The following APOLD1 variants were observed in gnomAD, a reference collection of about 807,000 sequenced individuals.
APOLD1 encodes apolipoprotein L domain-containing protein 1.
A neutral mutation model predicts 15.3 loss-of-function variants in APOLD1; 22 were observed. The ratio of observed to expected loss-of-function variants is 1.44; its 90% CI spans 1.03 to 2.05. APOLD1 has a LOEUF of 2.05. Among genes scored for constraint, APOLD1 ranks in the 30% most tolerant of loss-of-function variants. The pLI, the probability that APOLD1 is intolerant of heterozygous loss-of-function variation, is 0.00. For missense variants in APOLD1, 394 were observed against 353.5 expected (o/e 1.11, Z -0.92); for synonymous variants, 190 against 167.4 (o/e 1.13, Z -1.04).
intron 1 of APOLD1, among the ~76,000 whole-genome samples, chr12:12,762,515 C>T (rs1256176920): frequency 6.6e-6 from 1 of 151,974 alleles, no homozygotes; most frequent in Non-Finnish European, 1.5e-5. Context: ...CCACCACACC[C>T]AGCTAATTTT....
rs1302364364 is a variant in APOLD1 at position 12,787,118 on chromosome 12, C to T, written c.213C>T (p.Ile71=). The T allele has an allele frequency of 1.4e-6, 2 of 1,444,040 alleles. No individual in the cohort carries two copies. Among genetic ancestry groups the T allele is most frequent in the African/African-American group, 1.5e-5 (1 of 67,904 alleles). 89.5% of individuals were successfully genotyped at this position (1,444,040 alleles called of 1,614,324 possible). A position where few individuals can be genotyped will look rare whatever the true frequency, so the allele number is the denominator to read the frequency against. ...GCGCAACGGGCGCCCTCGCCGCCAT[C>T]GTGGGGCTCTCGCTCAGCCCGGTCA... ...SLSATGALAA[I]VGLSLSPVTL... The change falls in exon 2 of 2, where the codon ATC becomes ATT. Residue 71 remains isoleucine (I), a synonymous_variant. Transcript: ENST00000356591. This position sits in a 1 kb window ranked among gnomAD's most constrained non-coding sequence, Gnocchi z 4.9.
At chr12:12,765,182 T>C (rs935252738) in intron 1 of APOLD1, among the ~76,000 whole-genome samples, 3 of 152,098 alleles carry the variant, frequency 2.0e-5, no homozygotes, top group African/African-American at 7.2e-5. Context: ...CCAATCATGA[T>C]GGAAGGTGAA....
intron 1 of APOLD1, chr12:12,726,172 A>AT: frequency 1.0e-6 from 1 of 966,796 alleles, no homozygotes; most frequent in Non-Finnish European, 1.5e-6. Flanking sequence ...AAAAAAAAAA[A>AT]AAAAAAAAGA....
At chr12:12,770,567 G>GAAAAAAAAAAAAAAAAAAAAAACAAA (rs36112693) in intron 1 of APOLD1, among the ~76,000 whole-genome samples, 3 of 119,266 alleles carry the variant, frequency 2.5e-5, no homozygotes, top group Non-Finnish European at 3.5e-5. Flanking sequence ...AAAAAAGACT[G>GAAAAAAAAAAAAAAAAAAAAAACAAA]AAAAAAAAAA....
chr12:12,734,831 A>G (rs560328676), intron 1 of APOLD1, among the ~76,000 whole-genome samples: 97 of 152,308 alleles, frequency 6.4e-4, no homozygotes, highest in African/African-American at 2.3e-3. Context: ...AGCCTTTACT[A>G]AGGCCAGGCT....
chr12:12,782,656 GACCCTGCCTCA>G (rs1189732984), upstream of APOLD1, among the ~76,000 whole-genome samples: 2 of 152,184 alleles, frequency 1.3e-5, no homozygotes, highest in African/African-American at 4.8e-5. Flanking sequence ...GACAGAGTGA[GACCCTGCCTCA>G]ACAAAACAAA....
intron 1 of APOLD1, chr12:12,786,669 A>G (rs1947127019): frequency 2.0e-6 from 2 of 985,288 alleles, no homozygotes; most frequent in African/African-American, 3.5e-5. Flanking sequence ...AGAAGATAGC[A>G]TTATTCCTAT....
intron 1 of APOLD1, among the ~76,000 whole-genome samples, chr12:12,745,887 T>G (rs1306433370): frequency 6.6e-6 from 1 of 152,058 alleles, no homozygotes; most frequent in Non-Finnish European, 1.5e-5. Flanking sequence ...CTAGAAAGGT[T>G]GCAAGAAGAA....
intron 1 of APOLD1, among the ~76,000 whole-genome samples, chr12:12,770,490 T>A (rs1342045869): frequency 6.7e-6 from 1 of 149,888 alleles, no homozygotes; most frequent in African/African-American, 2.5e-5. Flanking sequence ...ATACTAAACA[T>A]GCTGAGGAAA....
intron 1 of APOLD1, among the ~76,000 whole-genome samples, chr12:12,738,179 A>C (rs370358532): frequency 2.0e-5 from 3 of 147,460 alleles, no homozygotes; most frequent in African/African-American, 7.5e-5. Flanking sequence ...GGCTCTCCCC[A>C]TACTCACCAG....
chr12:12,768,368 C>G (rs1946957295), intron 1 of APOLD1, among the ~76,000 whole-genome samples: 2 of 152,090 alleles, frequency 1.3e-5, no homozygotes, highest in African/African-American at 4.8e-5. Context: ...TGCAGTGGCT[C>G]ATGCCTGTAA....
intron 1 of APOLD1, among the ~76,000 whole-genome samples, chr12:12,768,290 C>G (rs1240335463): frequency 6.6e-6 from 1 of 152,030 alleles, no homozygotes; most frequent in Non-Finnish European, 1.5e-5. Flanking sequence ...TTGTGTAGGT[C>G]TCACAGGGTT....
chr12:12,753,439 G>A (rs932527963), intron 1 of APOLD1, among the ~76,000 whole-genome samples: 1 of 152,224 alleles, frequency 6.6e-6, no homozygotes, highest in African/African-American at 2.4e-5. Context: ...GCCAAGGAAG[G>A]ATAGCTTGAG....
intron 1 of APOLD1, among the ~76,000 whole-genome samples, chr12:12,759,284 G>A (rs2136384836): frequency 6.6e-6 from 1 of 152,230 alleles, no homozygotes; most frequent in South Asian, 2.1e-4. Context: ...TGAACACATG[G>A]ATTTAAATAT....
chr12:12,777,239 C>G (rs1947043511), intron 1 of APOLD1, among the ~76,000 whole-genome samples: 1 of 152,202 alleles, frequency 6.6e-6, no homozygotes, highest in South Asian at 2.1e-4. Flanking sequence ...CTGCCCAGTG[C>G]AGACAGTAGA....
chr12:12,748,856 G>A (rs537502564), intron 1 of APOLD1, among the ~76,000 whole-genome samples: 223 of 152,220 alleles, frequency 1.5e-3, no homozygotes, highest in African/African-American at 5.3e-3. Context: ...AGAAAGAACA[G>A]CTCCTCTCAA....
intron 1 of APOLD1, among the ~76,000 whole-genome samples, chr12:12,752,124 T>A (rs558541344): frequency 6.6e-6 from 1 of 152,312 alleles, no homozygotes; most frequent in African/African-American, 2.4e-5. Flanking sequence ...TTTGTGGTAA[T>A]TTTTTACAGT....
In APOLD1 at chr12:12,788,922, A is replaced by G. The variant is rs1403174140; in HGVS notation, c.*1270A>G. 6.6e-6 allele frequency: 1 copy of G among 151,924 alleles called. No individual in the cohort carries two copies. The highest frequency in any genetic ancestry group is 1.5e-5 in the Non-Finnish European group (1 of 67,990). The allele number at this position is 151,924 out of a possible 1,614,324, so 9.4% of individuals were successfully genotyped here. A position where few individuals can be genotyped will look rare whatever the true frequency, so the allele number is the denominator to read the frequency against. ...AGAGAGAGAGAGCACGCGTACGTGCACCCTGGGGCAGTGTCTCACCGTATG... is the reference window on the plus strand; with the variant it reads ...AGAGAGAGAGAGCACGCGTACGTGCGCCCTGGGGCAGTGTCTCACCGTATG... On this transcript the variant is annotated 3_prime_UTR_variant, in exon 2 of 2. Transcript: ENST00000356591.
chr12:12,766,595 G>A (rs1455829055), intron 1 of APOLD1, among the ~76,000 whole-genome samples: 1 of 152,196 alleles, frequency 6.6e-6, no homozygotes, highest in African/African-American at 2.4e-5. Context: ...TGTAATCTCA[G>A]CACTTTGAGA....
Sources: gnomAD v4.1 joint callset for allele counts (sites outside exome capture counted in the v4.1 genomes callset) on GRCh38, gnomAD v4.1.1 for gene constraint, Gnocchi (gnomAD v3.1) non-coding constraint, MANE v1.5 for transcripts, NCBI Gene and HGNC (gene_info 2026-07-23, HGNC 2026-07-21) for gene names.